PNPLA6: variants seen among roughly 807,000 people sequenced by gnomAD.
PNPLA6 encodes the protein patatin like domain 6, lysophospholipase.
Under a neutral mutation model 153.7 loss-of-function variants are expected in PNPLA6, and 105 were observed. The observed-to-expected ratio is 0.68, with a 90% CI of 0.58 to 0.80. The LOEUF (loss-of-function observed/expected upper bound fraction) is 0.80, where lower values mean the gene tolerates loss of function less well. Ranked by LOEUF, PNPLA6 falls within the 30% of genes least tolerant of loss-of-function variation. The pLI, the probability that PNPLA6 is intolerant of heterozygous loss-of-function variation, is 0.00. For missense variants in PNPLA6, 1,423 were observed against 1,919.3 expected (o/e 0.74, Z 4.83); for synonymous variants, 825 against 822.2 (o/e 1.00, Z -0.06).
At chr19:7,550,810 C>A in intron 16 of PNPLA6, 170 bp downstream of exon 16, 1 of 982,834 alleles carries the variant, frequency 1.0e-6, no homozygotes, top group South Asian at 1.5e-5. Flanking sequence ...AAGGGGATTC[C>A]GCCTGTCGTG....
At chr19:7,538,390 C>T (rs2022972091) in intron 3 of PNPLA6, among the ~76,000 whole-genome samples, 1 of 151,952 alleles carries the variant, frequency 6.6e-6, no homozygotes. Context: ...ACTGTGTTGC[C>T]TGGGCTAGTC....
chr19:7,544,986 CT>C (rs2023323815), intron 13 of PNPLA6, among the ~76,000 whole-genome samples: 2 of 151,742 alleles, frequency 1.3e-5, no homozygotes, highest in Admixed American at 1.3e-4. Context: ...GTTGGCAGGA[CT>C]TTTGTTAGGG....
Position 7,543,077 on chromosome 19 carries a change from G to A in PNPLA6, c.1601G>A (p.Gly534Glu). 1 of 1,613,834 alleles carries A rather than the reference G, an allele frequency of 6.2e-7. No individual in the cohort carries two copies. The highest frequency in any genetic ancestry group is 8.5e-7 in the Non-Finnish European group (1 of 1,179,926). The change falls in exon 13 of 32, where the codon GGA becomes GAA. Residue 534 changes from glycine (G) to glutamate (E), a missense_variant. Gly to Glu is a moderately conservative substitution (Grantham distance 98). Coordinates refer to ENST00000600737, the MANE Select transcript of PNPLA6 (RefSeq NM_001166114.2). ...GCTGGCACCATCATTGCCCGCCAGG[G>A]AGACCAGGTGAGGCTGACCCCTGAC... ...AKAGTIIARQGDQDVSLHFVL... is the reference protein window; with the variant it reads ...AKAGTIIARQEDQDVSLHFVL...
intron 18 of PNPLA6, among the ~76,000 whole-genome samples, chr19:7,552,755 C>CA (rs561292553): frequency 0.011 from 470 of 43,810 alleles, 2 homozygotes; most frequent in Middle Eastern, 0.027. Flanking sequence ...AACTCCATCT[C>CA]AAAAAAAAAA....
intron 18 of PNPLA6, among the ~76,000 whole-genome samples, chr19:7,552,234 C>T (rs2023681710): frequency 6.6e-6 from 1 of 152,206 alleles, no homozygotes. Flanking sequence ...AGATGTAGCC[C>T]CCTGTTTCAG....
intron 3 of PNPLA6, 96 bp downstream of exon 3, chr19:7,536,642 A>G: frequency 2.4e-6 from 2 of 841,128 alleles, no homozygotes; most frequent in East Asian, 5.1e-5. Flanking sequence ...GTCTTCCCAT[A>G]TTGGCTGCGC....
chr19:7,535,439 C>A, upstream of PNPLA6: 1 of 1,137,718 alleles, frequency 8.8e-7, no homozygotes, highest in Non-Finnish European at 1.3e-6. This position sits in a 1 kb window ranked among gnomAD's most constrained non-coding sequence, Gnocchi z 5.0. Flanking sequence ...GGGGGCAGGG[C>A]TTGAGGCAGG....
chr19:7,537,477 G>T (rs2022931242), intron 3 of PNPLA6, among the ~76,000 whole-genome samples: 1 of 152,182 alleles, frequency 6.6e-6, no homozygotes, highest in African/African-American at 2.4e-5. Context: ...TGGCAGCAAG[G>T]TCTGCGAGAA....
chr19:7,550,865 G>A (rs2023612087), intron 16 of PNPLA6, 129 bp from the exon 17 acceptor site: 2 of 895,896 alleles, frequency 2.2e-6, no homozygotes, highest in Non-Finnish European at 3.5e-6. Context: ...TGGGTAGCGA[G>A]CGAGGCTTGC....
At chr19:7,553,200 T>C (rs905230660) in intron 18 of PNPLA6, among the ~76,000 whole-genome samples, 4 of 145,818 alleles carry the variant, frequency 2.7e-5, no homozygotes, top group Non-Finnish European at 6.1e-5. Context: ...GTGGAGAAAC[T>C]GGGAAGCAAC....
Position 7,558,854 on chromosome 19 carries a change from C to T in PNPLA6, c.3402C>T (p.Asp1134=), listed in dbSNP as rs768519069. 3.7e-6 allele frequency: 6 copies of T among 1,607,478 alleles called. No individual in the cohort carries two copies. The highest frequency in any genetic ancestry group is 4.2e-6 in the Non-Finnish European group (5 of 1,179,572). The change falls in exon 28 of 32, where the codon GAC becomes GAT. Residue 1134 remains aspartate, a synonymous_variant. Coordinates refer to ENST00000600737, the MANE Select transcript of PNPLA6 (RefSeq NM_001166114.2). ...DGGYINNLPA[D]IARSMGAKTV... is the part of the protein sequence containing the mutation. ...CTGACCCCCCTGGCCCCACAGCGGA[C>T]ATCGCCCGCAGCATGGGTGCCAAAA...
In PNPLA6 at chr19:7,550,770, C is replaced by G. The variant is rs1599295066; in HGVS notation, c.2070+130C>G. On this transcript the variant is annotated intron_variant, in intron 16 of 31. Transcript: ENST00000600737. Reference sequence around the variant, plus strand: ...CCGACCTCTGAGGTCACCCAGTCCACTCCCCGCCCAGACCTCATTTCGTTG... The same window carrying G: ...CCGACCTCTGAGGTCACCCAGTCCAGTCCCCGCCCAGACCTCATTTCGTTG... 3 of 1,236,090 alleles carry G rather than the reference C, an allele frequency of 2.4e-6. No homozygotes were observed. The African/African-American group carries it at 4.5e-5, about 19-fold the overall frequency. 76.6% of individuals were successfully genotyped at this position (1,236,090 alleles called of 1,614,324 possible). A position where few individuals can be genotyped will look rare whatever the true frequency, so the allele number is the denominator to read the frequency against.
intron 16 of PNPLA6, 60 bp from the exon 17 acceptor site, chr19:7,550,934 C>A: frequency 7.9e-7 from 1 of 1,261,112 alleles, no homozygotes; most frequent in South Asian, 1.3e-5. Flanking sequence ...CCCTTTCCAC[C>A]CATCTTCGGC....
chr19:7,541,158 TGTG>T lies in PNPLA6; in HGVS notation c.924+110_924+112del. 2 of 1,369,168 alleles carry T rather than the reference TGTG, an allele frequency of 1.5e-6. No homozygotes were observed. Among genetic ancestry groups the T allele is most frequent in the Non-Finnish European group, 2.0e-6 (2 of 983,356 alleles). 84.8% of individuals were successfully genotyped at this position (1,369,168 alleles called of 1,614,324 possible). On this transcript the variant is annotated intron_variant, in intron 7 of 31. Transcript: ENST00000600737. This position sits in a 1 kb window ranked among gnomAD's most constrained non-coding sequence, Gnocchi z 5.2. The stretch of plus-strand genomic sequence containing the variant: ...CCCAGCAGCCAGCAGGCGCTGGAGC[TGTG>T]GTTATCGGCCTGGAGCAGCCAGATG...
rs760557592 is a variant in PNPLA6 at position 7,539,918 on chromosome 19, G to A, written c.414G>A (p.Lys138=). 1.9e-6 allele frequency: 3 copies of A among 1,544,664 alleles called. No homozygotes were observed. In the South Asian group the frequency reaches 3.6e-5, roughly 18 times the overall value. The part of the protein sequence containing the change: ...KKLKMLNIAK[K]ILRIQKETPT... ...CCCGGCACCCCTCCCCTCCCACCAG[G>A]ATCCTGCGCATCCAGAAAGAGACGC... The change falls in exon 4 of 32, where the codon AAG becomes AAA. Residue 138 remains lysine, a splice_region_variant and synonymous_variant. Coordinates refer to ENST00000600737, the MANE Select transcript of PNPLA6 (RefSeq NM_001166114.2).
chr19:7,537,328 A>G (rs1599266460), intron 3 of PNPLA6, among the ~76,000 whole-genome samples: 2 of 152,148 alleles, frequency 1.3e-5, no homozygotes, highest in Non-Finnish European at 2.9e-5. Flanking sequence ...TGTACATCAG[A>G]AGGCATCTTT....
Position 7,551,579 on chromosome 19 carries a change from A to G in PNPLA6, c.2260+142A>G, listed in dbSNP as rs1424180083. Reference sequence around the variant, plus strand: ...GTGCCCCTGAGGGTTTCAAACCCTAAGTAGGACCCAGGTGCAGAGCATTCT... The same window carrying G: ...GTGCCCCTGAGGGTTTCAAACCCTAGGTAGGACCCAGGTGCAGAGCATTCT... On this transcript the variant is annotated intron_variant, in intron 18 of 31. Coordinates refer to ENST00000600737, the MANE Select transcript of PNPLA6 (RefSeq NM_001166114.2). The G allele has an allele frequency of 1.6e-5, 12 of 738,432 alleles. No homozygotes were observed. The South Asian group carries it at 1.8e-4, about 11-fold the overall frequency. The allele number at this position is 738,432 out of a possible 1,614,324, so 45.7% of individuals were successfully genotyped here. A position where few individuals can be genotyped will look rare whatever the true frequency, so the allele number is the denominator to read the frequency against.
chr19:7,557,138 G>T, intron 26 of PNPLA6, 30 bp from the exon 27 acceptor site: 5 of 1,509,252 alleles, frequency 3.3e-6, no homozygotes, highest in Non-Finnish European at 4.6e-6. Context: ...GTGTCTGTGC[G>T]TGTTTGTGTC....
At chr19:7,556,927 CTCG>C (rs1389157898) in intron 26 of PNPLA6, 1 of 685,286 alleles carries the variant, frequency 1.5e-6, no homozygotes, top group African/African-American at 1.8e-5. Context: ...AGCAGGGAGA[CTCG>C]TCGGACGCCT....
Sources: allele counts gnomAD v4.1 joint callset (sites outside exome capture counted in the v4.1 genomes callset), GRCh38; gene constraint gnomAD v4.1.1; non-coding constraint Gnocchi (gnomAD v3.1); transcripts MANE v1.5; gene names NCBI Gene and HGNC (gene_info 2026-07-23, HGNC 2026-07-21).